The following PAK1 variants were observed in gnomAD, a reference collection of about 807,000 sequenced individuals.
PAK1 encodes the protein p21 (RAC1) activated kinase 1.
PAK1 carries 29 observed loss-of-function variants against 67.4 expected under a neutral mutation model. That is an observed-to-expected ratio of 0.43 (90% CI 0.32 to 0.59). The LOEUF (loss-of-function observed/expected upper bound fraction) is 0.59. PAK1 is among the 20% of genes least tolerant of loss of function. The pLI is 0.07. For missense variants in PAK1, 337 were observed against 670.7 expected (o/e 0.50, Z 5.50); for synonymous variants, 223 against 237.4 (o/e 0.94, Z 0.56).
chr11:77,412,867 A>C (rs1007936640), intron 1 of PAK1, among the ~76,000 whole-genome samples: 1 of 152,244 alleles, frequency 6.6e-6, no homozygotes, highest in Non-Finnish European at 1.5e-5. Context: ...GGGCTCATAC[A>C]ATAAGTATTT....
At position 77,386,539 on chromosome 11, in the gene PAK1, C is replaced by T. The variant is rs374424334; in HGVS notation, c.190+5792G>A. Among the ~76,000 whole-genome samples the T allele has an allele frequency of 4.2e-3, 647 of 152,308 alleles. 2 individuals carry two copies. Among genetic ancestry groups the T allele is most frequent in the Middle Eastern group, 0.02 (6 of 294 alleles). ...TTACAGGCCCTCAATTACAGCTTCT[C>T]TTTCCAATCATTTATGCATCCCCCA... On this transcript the variant is annotated intron_variant, in intron 2 of 14. Transcript: ENST00000356341.
At chr11:77,520,115 T>G in the PAK1 span, among the ~76,000 whole-genome samples, 3 of 152,080 alleles carry the variant, frequency 2.0e-5, no homozygotes, top group Admixed American at 2.0e-4. Flanking sequence ...ATATAAAGAC[T>G]TGTGGGGCTG....
chr11:77,450,363 G>A lies in PAK1; in HGVS notation c.-22+23189C>T, dbSNP rs563417026. Among the ~76,000 whole-genome samples the A allele has an allele frequency of 2.0e-3, 297 of 152,214 alleles. 2 individuals carry two copies. Among genetic ancestry groups the A allele is most frequent in the African/African-American group, 6.7e-3 (280 of 41,538 alleles). ...AATACCACCCCAGCATTAAAAACCC[G>A]AAAGAACCTGGCAGGTCCCACACAA... On this transcript the variant is annotated intron_variant, in intron 1 of 14. Transcript: ENST00000356341.
At chr11:77,478,437 T>C (rs1310597196), upstream of PAK1, among the ~76,000 whole-genome samples, 14 of 152,116 alleles carry the variant, frequency 9.2e-5, no homozygotes, top group Non-Finnish European at 2.1e-4. Context: ...GAGCCATTAC[T>C]CCAAAGAGCT....
chr11:77,392,529 C>A lies in PAK1; in HGVS notation c.-9G>T. The A allele has an allele frequency of 6.3e-7, 1 of 1,581,020 alleles. No individual in the cohort carries two copies. The highest frequency in any genetic ancestry group is 8.6e-7 in the Non-Finnish European group (1 of 1,158,642). ...AGGCCGTTATTTGACATTGTCACCA[C>A]CAGCAGCAGCTACTAGAATCAGAAA... On this transcript the variant is annotated 5_prime_UTR_variant, in exon 2 of 15. Coordinates refer to ENST00000356341, the MANE Select transcript of PAK1 (RefSeq NM_002576.5).
intron 4 of PAK1, among the ~76,000 whole-genome samples, chr11:77,374,621 T>G (rs1260957133): frequency 6.6e-6 from 1 of 152,218 alleles, no homozygotes; most frequent in African/African-American, 2.4e-5. Flanking sequence ...TAAGTACAGT[T>G]GGGTGTGGCT....
At chr11:77,517,565 C>T in the PAK1 span, among the ~76,000 whole-genome samples, 14 of 152,090 alleles carry the variant, frequency 9.2e-5, no homozygotes, top group East Asian at 1.9e-3. Context: ...CACCAGGGAC[C>T]GGTTTCATGG....
chr11:77,451,864 G>T (rs574581914), intron 1 of PAK1, among the ~76,000 whole-genome samples: 2 of 142,612 alleles, frequency 1.4e-5, no homozygotes, highest in African/African-American at 5.6e-5. Context: ...CTCCCAAAGT[G>T]CTGGGATTAC....
At chr11:77,392,629 T>C in intron 1 of PAK1, 88 bp from the exon 2 acceptor site, 1 of 997,320 alleles carries the variant, frequency 1.0e-6, no homozygotes, top group Admixed American at 2.8e-5. Context: ...GAATCAAAAT[T>C]ATACAGCCCT....
chr11:77,457,748 G>A lies in PAK1; in HGVS notation c.-22+15804C>T, dbSNP rs114766131. ...AGGAAGAATTACAATGAGAATAACA[G>A]CTACTGAGGCAGAGAACAGATTCTG... On this transcript the variant is annotated intron_variant, in intron 1 of 14. Transcript: ENST00000356341. 6.1e-3 allele frequency among the ~76,000 whole-genome samples: 934 copies of A among 152,310 alleles called. 13 individuals are homozygous for A. Among genetic ancestry groups the A allele is most frequent in the African/African-American group, 0.022 (903 of 41,560 alleles).
chr11:77,348,794 C>T (rs936017663), intron 9 of PAK1, among the ~76,000 whole-genome samples: 1 of 152,136 alleles, frequency 6.6e-6, no homozygotes, highest in African/African-American at 2.4e-5. Flanking sequence ...ATAATGTTAT[C>T]CTGCTATTTG....
chr11:77,492,605 A>G, the PAK1 span, among the ~76,000 whole-genome samples: 1 of 150,254 alleles, frequency 6.7e-6, no homozygotes, highest in East Asian at 2.0e-4. Flanking sequence ...GCGGTGGCAC[A>G]ATCATAGCTC....
At chr11:77,364,458 A>C (rs1947230346) in intron 5 of PAK1, among the ~76,000 whole-genome samples, 5 of 152,300 alleles carry the variant, frequency 3.3e-5, no homozygotes, top group Admixed American at 2.6e-4. Context: ...CACAAAAACA[A>C]ACAAAAAAAC....
At chr11:77,497,996 C>A in the PAK1 span, among the ~76,000 whole-genome samples, 12 of 152,038 alleles carry the variant, frequency 7.9e-5, no homozygotes, top group Admixed American at 5.9e-4. Context: ...TAATACTTAA[C>A]CTTAGTCTGT....
Position 77,446,531 on chromosome 11 carries a change from A to AG in PAK1, c.-22+27020_-22+27021insC, listed in dbSNP as rs1263801891. On this transcript the variant is annotated intron_variant, in intron 1 of 14. Transcript: ENST00000356341. ...TGTCTCAAAAAAAAAAAAAAAAAAA[A>AG]AAAGAAAGTTCAGACCCAAGGTCAT... is the stretch of plus-strand genomic sequence containing the variant. Among the ~76,000 whole-genome samples, 982 of 150,816 alleles carry AG rather than the reference A, an allele frequency of 6.5e-3. 10 individuals are homozygous for AG. The highest frequency in any genetic ancestry group is 0.023 in the African/African-American group (925 of 40,762).
intron 1 of PAK1, among the ~76,000 whole-genome samples, chr11:77,459,879 G>A (rs193100835): frequency 1.6e-4 from 25 of 151,638 alleles, no homozygotes; most frequent in Middle Eastern, 3.4e-3. Context: ...TGTGTTTTTA[G>A]TAGAGACGGG....
At chr11:77,493,382 G>T in the PAK1 span, among the ~76,000 whole-genome samples, 1 of 145,232 alleles carries the variant, frequency 6.9e-6, no homozygotes, top group African/African-American at 2.6e-5. Flanking sequence ...AGGTTTAAGC[G>T]ATTCTCGTAC....
the PAK1 span, among the ~76,000 whole-genome samples, chr11:77,524,722 T>A: frequency 1.3e-5 from 2 of 152,204 alleles, no homozygotes; most frequent in African/African-American, 4.8e-5. Context: ...AAAGAATGAA[T>A]GAATGAATGA....
At chr11:77,341,006 C>T (rs1157596118) in intron 10 of PAK1, among the ~76,000 whole-genome samples, 1 of 152,224 alleles carries the variant, frequency 6.6e-6, no homozygotes, top group Non-Finnish European at 1.5e-5. Context: ...AAGGGCAGAA[C>T]TAAGATCTCT....
Sources: allele counts gnomAD v4.1 joint callset (sites outside exome capture counted in the v4.1 genomes callset), GRCh38; gene constraint gnomAD v4.1.1; transcripts MANE v1.5; gene names NCBI Gene and HGNC (gene_info 2026-07-23, HGNC 2026-07-21).